Variants in HR observed in about 807,000 individuals in gnomAD.
The protein encoded by HR is HR lysine demethylase and nuclear receptor corepressor.
A neutral mutation model predicts 128.6 loss-of-function variants in HR; 83 were observed. That is an observed-to-expected ratio of 0.65 (90% CI 0.54 to 0.77). The LOEUF (loss-of-function observed/expected upper bound fraction) is 0.77. HR is among the 30% of genes least tolerant of loss of function. The probability of loss-of-function intolerance (pLI) is 0.00; values close to 1 mark genes in which losing one functional copy is unlikely to be tolerated. For missense variants in HR, 1,490 were observed against 1,574.6 expected (o/e 0.95, Z 0.91); for synonymous variants, 681 against 658.2 (o/e 1.03, Z -0.53).
chr8:22,115,588 G>T lies in HR; in HGVS notation c.*112C>A. ...GCTTGTGCCCAGAGTGGTGCTTGTGGGGTTGACCAGAAATCCCCAAGTCCC... is the reference window on the plus strand; with the variant it reads ...GCTTGTGCCCAGAGTGGTGCTTGTGTGGTTGACCAGAAATCCCCAAGTCCC... On this transcript the variant is annotated 3_prime_UTR_variant, in exon 19 of 19. Transcript: ENST00000381418. The T allele has an allele frequency of 1.1e-6, 1 of 921,380 alleles. No homozygotes were observed. The highest frequency in any genetic ancestry group is 1.8e-6 in the Non-Finnish European group (1 of 567,772). 57.1% of individuals were successfully genotyped at this position (921,380 alleles called of 1,614,324 possible).
At position 22,124,903 on chromosome 8, in the gene HR, G is replaced by A. The variant is rs549811662; in HGVS notation, c.1750+408C>T. 1.3e-3 allele frequency among the ~76,000 whole-genome samples: 194 copies of A among 152,254 alleles called. 1 individual carries two copies. The highest frequency in any genetic ancestry group is 4.0e-3 in the African/African-American group (167 of 41,548). On this transcript the variant is annotated intron_variant, in intron 5 of 18. Transcript: ENST00000381418. The stretch of plus-strand genomic sequence containing the variant: ...CCTGTCTGGGGCAAGAGGGAGCCCC[G>A]GGGGTCTCCACCCAAAGACTGACCA...
rs1487644446 is a variant in HR at position 22,128,642 on chromosome 8, A to T, written c.529T>A (p.Cys177Ser). 1 of 1,596,352 alleles carries T rather than the reference A, an allele frequency of 6.3e-7. No individual in the cohort carries two copies. The highest frequency in any genetic ancestry group is 1.1e-5 in the South Asian group (1 of 88,588). ...LVSGLPPEHP[C>S]DWPLTPHPWV... is the part of the protein sequence containing the mutation. ...GGGTGCGGGGTCAGGGGCCAGTCAC[A>T]TGGATGCTCTGGGGGCAGGCCAGAC... is the stretch of plus-strand genomic sequence containing the variant. Residue 177 changes from cysteine (C) to serine (S), a missense_variant, in exon 2 of 19, where the codon TGT becomes AGT. Transcript: ENST00000381418.
rs143920702 is a variant in HR at position 22,125,389 on chromosome 8, G to A, written c.1672C>T (p.Leu558=). ...AGTCGGTCCCCCAAACCACTGAGCA[G>A]GTGCTTGGCGAGGCCTGTGCTGAGC... The part of the protein sequence containing the change: ...SRLSTGLAKH[L]LSGLGDRLCR... The change falls in exon 5 of 19, where the codon CTG becomes TTG. Residue 558 remains leucine, a synonymous_variant. Transcript: ENST00000381418. The A allele has an allele frequency of 1.2e-6, 2 of 1,611,006 alleles. No homozygotes were observed. Among genetic ancestry groups the A allele is most frequent in the South Asian group, 1.1e-5 (1 of 90,356 alleles).
In HR at chr8:22,128,641, C is replaced by T. The variant is rs759264583; in HGVS notation, c.530G>A (p.Cys177Tyr). 3 of 1,596,054 alleles carry T rather than the reference C, an allele frequency of 1.9e-6. No homozygotes were observed. Among genetic ancestry groups the T allele is most frequent in the Admixed American group, 3.6e-5 (2 of 56,276 alleles). ...LVSGLPPEHP[C>Y]DWPLTPHPWV... ...GGGGTGCGGGGTCAGGGGCCAGTCA[C>T]ATGGATGCTCTGGGGGCAGGCCAGA... The change falls in exon 2 of 19, where the codon TGT (cysteine) becomes TAT (tyrosine). Residue 177 changes from cysteine to tyrosine, a missense_variant. Coordinates refer to ENST00000381418, the MANE Select transcript of HR (RefSeq NM_005144.5).
chr8:22,124,377 G>A (rs1054070484), intron 5 of HR, among the ~76,000 whole-genome samples: 3 of 152,238 alleles, frequency 2.0e-5, no homozygotes, highest in African/African-American at 7.2e-5. Flanking sequence ...TTACAGGCAT[G>A]AGCCACCGCG....
intron 16 of HR, 33 bp downstream of exon 16, chr8:22,118,917 G>C: frequency 1.3e-6 from 2 of 1,572,428 alleles, no homozygotes; most frequent in Non-Finnish European, 1.7e-6. Flanking sequence ...GGCTGGGCGG[G>C]GGGAAGGGGA....
At position 22,123,617 on chromosome 8, in the gene HR, T is replaced by TACCCC; in HGVS notation, c.1915+31_1915+32insGGGGT. The TACCCC allele has an allele frequency of 9.6e-5, 28 of 292,088 alleles. 1 individual carries two copies. The highest frequency in any genetic ancestry group is 2.1e-4 in the South Asian group (7 of 33,028). The allele number at this position is 292,088 out of a possible 1,614,324, so 18.1% of individuals were successfully genotyped here. A position where few individuals can be genotyped will look rare whatever the true frequency, so the allele number is the denominator to read the frequency against. On this transcript the variant is annotated intron_variant, in intron 6 of 18. Transcript: ENST00000381418. Reference sequence around the variant, plus strand: ...TGCAGCAGTCCCCCTGAGGGCTCCATCCCGCCCTCCCACCCCCAGCCCCTC... The same window carrying TACCCC: ...TGCAGCAGTCCCCCTGAGGGCTCCATACCCCCCCGCCCTCCCACCCCCAGCCCCTC...
chr8:22,119,520 T>C (rs1336743201), intron 14 of HR, among the ~76,000 whole-genome samples: 2 of 151,438 alleles, frequency 1.3e-5, no homozygotes, highest in African/African-American at 2.4e-5. Flanking sequence ...GGCAGGAGAA[T>C]TGCTTGAACC....
In HR at chr8:22,130,495, C is replaced by T. The variant is rs1167257135; in HGVS notation, c.-108G>A. The T allele has an allele frequency of 1.3e-5, 2 of 152,176 alleles. No homozygotes were observed. Among genetic ancestry groups the T allele is most frequent in the African/African-American group, 4.8e-5 (2 of 41,448 alleles). The allele number at this position is 152,176 out of a possible 1,614,324, so 9.4% of individuals were successfully genotyped here. A position where few individuals can be genotyped will look rare whatever the true frequency, so the allele number is the denominator to read the frequency against. On this transcript the variant is annotated 5_prime_UTR_variant, in exon 1 of 19. Transcript: ENST00000381418. ...TCGTGGCCGGCACCGGGCGCCTGCT[C>T]CCCATGGGCCAGCTCCGGGGCCTCC...
Position 22,119,037 on chromosome 8 carries a change from C to A in HR, c.3126G>T (p.Gly1042=). 1 of 1,613,264 alleles carries A rather than the reference C, an allele frequency of 6.2e-7. No individual in the cohort carries two copies. The highest frequency in any genetic ancestry group is 1.1e-5 in the South Asian group (1 of 91,074). ...KDFLSGLDGE[G]LWSPGSQVST... The stretch of plus-strand genomic sequence containing the variant: ...TGACCTGGCTGCCCGGAGACCAGAG[C>A]CCCTCCCCGTCCAGGCCTGAAAGGA... Residue 1042 remains glycine, a synonymous_variant, in exon 16 of 19, where the codon GGG becomes GGT. Coordinates refer to ENST00000381418, the MANE Select transcript of HR (RefSeq NM_005144.5).
At position 22,119,299 on chromosome 8, in the gene HR, G is replaced by A; in HGVS notation, c.2978-16C>T. The A allele has an allele frequency of 6.2e-7, 1 of 1,613,328 alleles. No homozygotes were observed. The highest frequency in any genetic ancestry group is 8.5e-7 in the Non-Finnish European group (1 of 1,180,018). ...GGGCTCACACCTGCATGGCAATAGA[G>A]AAAGAACAGTTAGAAATGGAATCAG... is the stretch of plus-strand genomic sequence containing the variant. On this transcript the variant is annotated splice_polypyrimidine_tract_variant and intron_variant, in intron 14 of 18. Transcript: ENST00000381418.
intron 18 of HR, 55 bp from the exon 19 acceptor site, chr8:22,115,817 C>CT (rs1826571651): frequency 6.5e-7 from 1 of 1,530,302 alleles, no homozygotes; most frequent in South Asian, 1.1e-5. Flanking sequence ...GGCCCACCCG[C>CT]TGTCCCCCAC....
At chr8:22,117,547 A>G (rs1826624539) in intron 16 of HR, 1 of 153,962 alleles carries the variant, frequency 6.5e-6, no homozygotes, top group Non-Finnish European at 1.4e-5. Flanking sequence ...AAGATTCCGG[A>G]TGCAGAAAAG....
intron 12 of HR, 43 bp downstream of exon 12, chr8:22,120,299 C>T (rs1826707384): frequency 6.2e-7 from 1 of 1,613,488 alleles, no homozygotes; most frequent in South Asian, 1.1e-5. Context: ...ATCCCTAGGG[C>T]TTGGGCTCCC....
At chr8:22,123,617 T>TCCAC in intron 6 of HR, 32 bp downstream of exon 6, 7 of 292,092 alleles carry the variant, frequency 2.4e-5, no homozygotes, top group Admixed American at 5.0e-5. Context: ...GAGGGCTCCA[T>TCCAC]CCCGCCCTCC....
At chr8:22,123,497 G>T in intron 6 of HR, 152 bp downstream of exon 6, 1 of 744,794 alleles carries the variant, frequency 1.3e-6, no homozygotes, top group Non-Finnish European at 2.2e-6. Flanking sequence ...GGGGAAGTCT[G>T]CTCTAAGGGC....
intron 3 of HR, 76 bp downstream of exon 3, chr8:22,126,961 A>C (rs1208337556): frequency 6.2e-6 from 9 of 1,454,990 alleles, no homozygotes; most frequent in Non-Finnish European, 7.5e-6. Context: ...AAGCCTACAG[A>C]CCCCGCCCCA....
chr8:22,119,982 G>A, intron 13 of HR, 92 bp from the exon 14 acceptor site: 1 of 1,601,268 alleles, frequency 6.2e-7, no homozygotes, highest in Non-Finnish European at 8.5e-7. Flanking sequence ...CTCCCAGAGG[G>A]CAAACATGAG....
At chr8:22,125,560 G>C (rs531745657) in intron 4 of HR, 22 bp downstream of exon 4, 1 of 1,612,754 alleles carries the variant, frequency 6.2e-7, no homozygotes, top group African/African-American at 1.3e-5. Context: ...GGCACTGGAG[G>C]TGTCCAGGGG....
Sources: gnomAD v4.1 joint callset for allele counts (sites outside exome capture counted in the v4.1 genomes callset) on GRCh38, gnomAD v4.1.1 for gene constraint, MANE v1.5 for transcripts, NCBI Gene and HGNC (gene_info 2026-07-23, HGNC 2026-07-21) for gene names.